TCIRG1: variants seen among roughly 807,000 people sequenced by gnomAD.
TCIRG1 encodes the protein T cell immune regulator 1, ATPase H+ transporting V0 subunit a3.
TCIRG1 carries 86 observed loss-of-function variants against 95.5 expected under a neutral mutation model. That is an observed-to-expected ratio of 0.90 (90% CI 0.76 to 1.08). The LOEUF (loss-of-function observed/expected upper bound fraction) is 1.08, where lower values mean the gene tolerates loss of function less well. Ranked by LOEUF, TCIRG1 falls within the 50% of genes least tolerant of loss-of-function variation. The probability of loss-of-function intolerance (pLI) is 0.00; values close to 1 mark genes in which losing one functional copy is unlikely to be tolerated. For missense variants in TCIRG1, 1,069 were observed against 1,140.2 expected (o/e 0.94, Z 0.90); for synonymous variants, 499 against 501.3 (o/e 1.00, Z 0.06).
chr11:68,042,873 C>T lies in TCIRG1; in HGVS notation c.417+10C>T, dbSNP rs1224261645. 7 of 1,549,856 alleles carry T rather than the reference C, an allele frequency of 4.5e-6. No homozygotes were observed. In the East Asian group the frequency reaches 9.8e-5, roughly 22 times the overall value. ...GGGCCATGAACCTCAGGTCAGCTCC[C>T]ACCCAGGCAGGAGACTGGGGGGCTG... On this transcript the variant is annotated intron_variant, in intron 4 of 19. Coordinates refer to ENST00000265686, the MANE Select transcript of TCIRG1 (RefSeq NM_006019.4).
At chr11:68,047,028 G>T in intron 10 of TCIRG1, 1 of 335,456 alleles carries the variant, frequency 3.0e-6, no homozygotes, top group Admixed American at 4.0e-5. Flanking sequence ...TTTTTTTTCG[G>T]AGACAGAATC....
At chr11:68,046,827 C>T in intron 10 of TCIRG1, 1 of 455,590 alleles carries the variant, frequency 2.2e-6, no homozygotes, top group South Asian at 1.6e-5. Flanking sequence ...CTGTGTGGAG[C>T]TCTGGGAACA....
chr11:68,043,248 T>C, intron 5 of TCIRG1, 123 bp from the exon 6 acceptor site: 1 of 1,479,762 alleles, frequency 6.8e-7, no homozygotes. Context: ...CCTTCCCCTG[T>C]GGGCAGGGCC....
At chr11:68,049,885 G>C in intron 16 of TCIRG1, 77 bp from the exon 17 acceptor site, 1 of 1,558,460 alleles carries the variant, frequency 6.4e-7, no homozygotes, top group South Asian at 1.2e-5. Context: ...CTCCTGAGTG[G>C]CCAGGAGCAG....
Position 68,049,767 on chromosome 11 carries a change from G to T in TCIRG1, c.1992G>T (p.Arg664=), listed in dbSNP as rs1002652738. ...HLLHRHRRRL[R]RRPADRQEEN... The stretch of plus-strand genomic sequence containing the variant: ...TGCACCGCCACCGCCGCCGCCTGCG[G>T]AGGAGGCCCGCTGACCGACAGGTGG... The change falls in exon 16 of 20, where the codon CGG becomes CGT. Residue 664 remains arginine, a synonymous_variant. Coordinates refer to ENST00000265686, the MANE Select transcript of TCIRG1 (RefSeq NM_006019.4). The T allele has an allele frequency of 2.5e-6, 4 of 1,574,386 alleles. No homozygotes were observed. The highest frequency in any genetic ancestry group is 3.4e-6 in the Non-Finnish European group (4 of 1,167,036).
At chr11:68,040,666 C>G (rs1041797942) in intron 1 of TCIRG1, among the ~76,000 whole-genome samples, 2 of 152,224 alleles carry the variant, frequency 1.3e-5, no homozygotes, top group Non-Finnish European at 2.9e-5. Context: ...AGCAAGGCCC[C>G]GGGCCCTTCC....
chr11:68,049,579 C>T, intron 15 of TCIRG1, 84 bp from the exon 16 acceptor site: 1 of 1,539,684 alleles, frequency 6.5e-7, no homozygotes, highest in Non-Finnish European at 8.7e-7. Flanking sequence ...CGCAGGCTCT[C>T]TGGGCCCCGT....
intron 10 of TCIRG1, chr11:68,046,841 A>G (rs756645295): frequency 9.2e-5 from 42 of 455,646 alleles, no homozygotes; most frequent in Non-Finnish European, 1.6e-4. Flanking sequence ...GGGAACAGCA[A>G]CAGCTGAAGC....
At chr11:68,044,075 C>T (rs1855335673) in intron 8 of TCIRG1, 57 bp from the exon 9 acceptor site, 3 of 1,480,042 alleles carry the variant, frequency 2.0e-6, no homozygotes, top group African/African-American at 1.4e-5. Flanking sequence ...TGGGTGCCCC[C>T]GGCCCAGCCA....
downstream of TCIRG1, among the ~76,000 whole-genome samples, chr11:68,051,918 G>A (rs1247204450): frequency 6.6e-6 from 1 of 152,128 alleles, no homozygotes; most frequent in Non-Finnish European, 1.5e-5. Flanking sequence ...ATTTAGGAGG[G>A]GTGCAGTGTG....
chr11:68,044,009 G>T, intron 8 of TCIRG1, 102 bp downstream of exon 8: 1 of 1,300,400 alleles, frequency 7.7e-7, no homozygotes, highest in Non-Finnish European at 1.1e-6. Context: ...GCCTCCAGGA[G>T]GTGGGTGCAG....
chr11:68,045,056 C>T lies in TCIRG1; in HGVS notation c.1119C>T (p.Gly373=), dbSNP rs759279602. The change falls in exon 10 of 20, where the codon GGC becomes GGT. Residue 373 remains glycine, a synonymous_variant. Transcript: ENST00000265686. ...RTNRFTASFQ[G]IVDAYGVGRY... ...ACCGCTTCACGGCCAGCTTCCAGGG[C>T]ATCGTGGATGCCTACGGCGTGGGCC... The T allele has an allele frequency of 6.9e-6, 11 of 1,605,394 alleles. No homozygotes were observed. The South Asian group carries it at 1.2e-4, about 18-fold the overall frequency.
At chr11:68,042,921 G>C in intron 4 of TCIRG1, 25 bp from the exon 5 acceptor site, 1 of 1,551,014 alleles carries the variant, frequency 6.4e-7, no homozygotes, top group Non-Finnish European at 8.7e-7. Flanking sequence ...CCAGCCTAGG[G>C]CTCATGGTGC....
chr11:68,045,329 A>C (rs1351399432), intron 10 of TCIRG1, among the ~76,000 whole-genome samples: 1 of 152,248 alleles, frequency 6.6e-6, no homozygotes, highest in Non-Finnish European at 1.5e-5. Flanking sequence ...GGGAGCCGGC[A>C]CGGGCTTGTG....
At chr11:68,045,636 C>T (rs368456135) in intron 10 of TCIRG1, among the ~76,000 whole-genome samples, 3 of 152,090 alleles carry the variant, frequency 2.0e-5, no homozygotes, top group African/African-American at 7.2e-5. Context: ...TCACTGAAAC[C>T]TCCGCCTCCC....
chr11:68,052,247 G>A (rs1855821358), downstream of TCIRG1: 2 of 152,498 alleles, frequency 1.3e-5, no homozygotes, highest in South Asian at 4.1e-4. Context: ...GGTGGTTTAG[G>A]GAATGGCAGT....
intron 5 of TCIRG1, 57 bp from the exon 6 acceptor site, chr11:68,043,313 TG>T: frequency 4.6e-6 from 7 of 1,525,228 alleles, no homozygotes; most frequent in Non-Finnish European, 6.1e-6. Context: ...CCGGGGGGCC[TG>T]GTGGGGGAGG....
intron 8 of TCIRG1, 39 bp from the exon 9 acceptor site, chr11:68,044,092 CT>C (rs2134441354): frequency 1.3e-6 from 2 of 1,529,398 alleles, no homozygotes; most frequent in East Asian, 4.9e-5. Flanking sequence ...GCCACCCCAC[CT>C]GCCTGCCCAG....
At chr11:68,041,424 T>G in intron 2 of TCIRG1, 36 bp downstream of exon 2, 4 of 1,468,962 alleles carry the variant, frequency 2.7e-6, no homozygotes, top group Non-Finnish European at 3.8e-6. Context: ...AGGGGGCTAC[T>G]GCCAAGGTTA....
Sources: gnomAD v4.1 joint callset for allele counts (sites outside exome capture counted in the v4.1 genomes callset) on GRCh38, gnomAD v4.1.1 for gene constraint, MANE v1.5 for transcripts, NCBI Gene and HGNC (gene_info 2026-07-23, HGNC 2026-07-21) for gene names.